The following CTNNA2 variants were observed in gnomAD, a reference collection of about 807,000 sequenced individuals.
CTNNA2 encodes the protein catenin alpha 2, also known as catenin alpha-2.
CTNNA2 carries 42 observed loss-of-function variants against 101.0 expected under a neutral mutation model. That is an observed-to-expected ratio of 0.42 (90% CI 0.32 to 0.54). The LOEUF (loss-of-function observed/expected upper bound fraction) is 0.54, where lower values mean the gene tolerates loss of function less well. Ranked by LOEUF, CTNNA2 falls within the 20% of genes least tolerant of loss-of-function variation. CTNNA2 has a pLI of 0.14. For missense variants in CTNNA2, 871 were observed against 1,223.1 expected (o/e 0.71, Z 4.29); for synonymous variants, 450 against 456.4 (o/e 0.99, Z 0.18).
At chr2:80,075,666 ATGT>A (rs1558783655) in intron 7 of CTNNA2, among the ~76,000 whole-genome samples, 12,733 of 112,356 alleles carry the variant, frequency 0.11, 1,763 homozygotes, top group South Asian at 0.3. Context: ...ATATTTATAC[ATGT>A]ATAAATATTA....
rs924727541 is a variant in CTNNA2 at position 80,119,724 on chromosome 2, G to A, written c.1056+209927G>A. ...ATTCAGAAAAATTTTTAAAATAATT[G>A]GAGACAGGTAGTCATCTATAACTAC... On this transcript the variant is annotated intron_variant, in intron 7 of 18. Transcript: ENST00000402739. 3.9e-5 allele frequency among the ~76,000 whole-genome samples: 6 copies of A among 152,202 alleles called. No individual in the cohort carries two copies. In the East Asian group the frequency reaches 1.2e-3, roughly 29 times the overall value.
At chr2:80,341,018 G>A (rs1326821924) in intron 7 of CTNNA2, among the ~76,000 whole-genome samples, 1 of 152,136 alleles carries the variant, frequency 6.6e-6, no homozygotes, top group Non-Finnish European at 1.5e-5. Context: ...ACAGCCAGAT[G>A]AAGGAGTACA....
At chr2:80,438,743 C>T (rs1682284839) in intron 9 of CTNNA2, among the ~76,000 whole-genome samples, 1 of 150,252 alleles carries the variant, frequency 6.7e-6, no homozygotes, top group South Asian at 2.1e-4. Flanking sequence ...CTCCTCATTC[C>T]ATCTGTTCCT....
At chr2:79,412,692 G>A (rs892204818) in intron 4 of CTNNA2, among the ~76,000 whole-genome samples, 1 of 151,862 alleles carries the variant, frequency 6.6e-6, no homozygotes, top group Non-Finnish European at 1.5e-5. Context: ...GTTCTTTGAA[G>A]CCAACGAGAA....
intron 7 of CTNNA2, among the ~76,000 whole-genome samples, chr2:80,025,045 A>T (rs1001726240): frequency 2.6e-5 from 4 of 152,130 alleles, no homozygotes; most frequent in African/African-American, 9.7e-5. Flanking sequence ...TCTTCTCTGA[A>T]GTCCTGCCAT....
At chr2:79,970,933 T>C (rs771026395) in intron 7 of CTNNA2, among the ~76,000 whole-genome samples, 23 of 152,154 alleles carry the variant, frequency 1.5e-4, no homozygotes, top group Non-Finnish European at 2.8e-4. Flanking sequence ...AAGATTAATG[T>C]GTCTGTGGAA....
intron 2 of CTNNA2, among the ~76,000 whole-genome samples, chr2:79,275,220 T>C (rs1216327280): frequency 6.6e-6 from 1 of 151,672 alleles, no homozygotes; most frequent in Non-Finnish European, 1.5e-5. Flanking sequence ...AATGACAGCA[T>C]ATAGGCTGTG....
At chr2:79,319,111 TAACA>T in intron 3 of CTNNA2, among the ~76,000 whole-genome samples, 1 of 152,236 alleles carries the variant, frequency 6.6e-6, no homozygotes, top group East Asian at 1.9e-4. Context: ...ATGTAGAGAT[TAACA>T]AACATACTAC....
intron 7 of CTNNA2, among the ~76,000 whole-genome samples, chr2:80,227,719 G>C (rs915160210): frequency 6.6e-6 from 1 of 152,186 alleles, no homozygotes; most frequent in Admixed American, 6.5e-5. Context: ...GGTTACAGAT[G>C]TCAACCAGAT....
chr2:79,455,685 A>G (rs1670814056), intron 4 of CTNNA2, among the ~76,000 whole-genome samples: 1 of 152,204 alleles, frequency 6.6e-6, no homozygotes, highest in African/African-American at 2.4e-5. Context: ...GGGTAATCAA[A>G]GAAATAGTCG....
intron 9 of CTNNA2, among the ~76,000 whole-genome samples, chr2:80,481,066 A>C (rs1422397270): frequency 6.6e-6 from 1 of 152,168 alleles, no homozygotes; most frequent in East Asian, 1.9e-4. Flanking sequence ...AAACTGAGCC[A>C]CATTTGGTTA....
At chr2:79,661,041 G>T (rs1220219554) in intron 2 of CTNNA2, among the ~76,000 whole-genome samples, 6 of 152,110 alleles carry the variant, frequency 3.9e-5, no homozygotes, top group Non-Finnish European at 7.3e-5. Flanking sequence ...AATGTTGGTG[G>T]TGACTGCTCT....
Position 80,302,187 on chromosome 2 carries a change from C to T in CTNNA2, c.1057-91024C>T, listed in dbSNP as rs1676385615. Reference sequence around the variant, plus strand: ...GACAAGGAGACCCCAGCCTGGTGCCCGCCGGCCCGTCCCGGCTGCCCAGGC... The same window carrying T: ...GACAAGGAGACCCCAGCCTGGTGCCTGCCGGCCCGTCCCGGCTGCCCAGGC... On this transcript the variant is annotated intron_variant, in intron 7 of 18. Transcript: ENST00000402739. This position sits in a 1 kb window ranked among gnomAD's most constrained non-coding sequence, Gnocchi z 6.4. 1 of 1,559,866 alleles carries T rather than the reference C, an allele frequency of 6.4e-7. No homozygotes were observed. The highest frequency in any genetic ancestry group is 1.8e-5 in the Admixed American group (1 of 56,620).
chr2:79,762,056 C>G (rs766104884), intron 3 of CTNNA2, among the ~76,000 whole-genome samples: 2 of 152,128 alleles, frequency 1.3e-5, no homozygotes, highest in African/African-American at 4.8e-5. Flanking sequence ...AGGGCTTCGT[C>G]GTTAATTAGG....
At chr2:80,368,401 G>C (rs1310099646) in intron 7 of CTNNA2, among the ~76,000 whole-genome samples, 1 of 152,112 alleles carries the variant, frequency 6.6e-6, no homozygotes, top group East Asian at 1.9e-4. Flanking sequence ...GTCTCACGCT[G>C]TAAAGCTAAT....
chr2:79,885,682 G>T (rs1324644140), intron 6 of CTNNA2, among the ~76,000 whole-genome samples: 1 of 152,218 alleles, frequency 6.6e-6, no homozygotes, highest in African/African-American at 2.4e-5. Context: ...TATGAAGATT[G>T]TAAGTTTCCT....
intron 7 of CTNNA2, among the ~76,000 whole-genome samples, chr2:80,216,707 A>T (rs950497580): frequency 6.6e-6 from 1 of 152,242 alleles, no homozygotes; most frequent in Admixed American, 6.5e-5. Flanking sequence ...ACGGTGAGAA[A>T]CAAATTTCTG....
intron 3 of CTNNA2, among the ~76,000 whole-genome samples, chr2:79,758,163 T>C (rs1231023866): frequency 6.6e-6 from 1 of 152,216 alleles, no homozygotes; most frequent in Non-Finnish European, 1.5e-5. Flanking sequence ...TAAAATACTC[T>C]ACGTTAACAC....
At chr2:79,787,300 T>C (rs564134727) in intron 3 of CTNNA2, among the ~76,000 whole-genome samples, 2 of 152,150 alleles carry the variant, frequency 1.3e-5, no homozygotes, top group Non-Finnish European at 2.9e-5. Context: ...CGAGACCATA[T>C]GATCTGATCT....
Sources: allele counts gnomAD v4.1 joint callset (sites outside exome capture counted in the v4.1 genomes callset), GRCh38; gene constraint gnomAD v4.1.1; non-coding constraint Gnocchi (gnomAD v3.1); transcripts MANE v1.5; gene names NCBI Gene and HGNC (gene_info 2026-07-23, HGNC 2026-07-21).